The following ENPEP variants were observed in gnomAD, a reference collection of about 807,000 sequenced individuals.
ENPEP encodes AP-A.
A neutral mutation model predicts 114.5 loss-of-function variants in ENPEP; 103 were observed. The observed-to-expected ratio is 0.90, with a 90% confidence interval of 0.77 to 1.06. The LOEUF (loss-of-function observed/expected upper bound fraction) is 1.06. Among genes scored for constraint, ENPEP ranks in the 50% least tolerant of loss-of-function variants. ENPEP has a pLI of 0.00. For synonymous variants in ENPEP, 420 were observed against 422.0 expected (o/e 1.00, Z 0.06); for missense variants, 1,196 against 1,161.3 (o/e 1.03, Z -0.43).
chr4:110,488,554 A>G lies in ENPEP; in HGVS notation c.658A>G (p.Thr220Ala). The G allele has an allele frequency of 6.2e-7, 1 of 1,612,228 alleles. No individual in the cohort carries two copies. The highest frequency in any genetic ancestry group is 8.5e-7 in the Non-Finnish European group (1 of 1,179,272). Residue 220 changes from threonine (T) to alanine (A), a missense_variant, in exon 2 of 20, where the codon ACC becomes GCC. Coordinates refer to ENST00000265162, the MANE Select transcript of ENPEP (RefSeq NM_001977.4). ...ENGQVKSIVA[T>A]DHEPTDARKS... ...TTTGTTTCTAAGGAGCATAGTGGCCACCGATCATGAACCAACAGATGCCAG... is the reference window on the plus strand; with the variant it reads ...TTTGTTTCTAAGGAGCATAGTGGCCGCCGATCATGAACCAACAGATGCCAG...
chr4:110,506,793 T>A (rs1725389815), intron 4 of ENPEP, 36 bp downstream of exon 4: 2 of 1,413,156 alleles, frequency 1.4e-6, no homozygotes, highest in Admixed American at 4.4e-5. Context: ...ATTTTTAATA[T>A]TGCCTTTGTT....
chr4:110,542,928 A>G (rs1336019297), intron 12 of ENPEP, 41 bp downstream of exon 12: 1 of 1,610,622 alleles, frequency 6.2e-7, no homozygotes, highest in Admixed American at 1.7e-5. Flanking sequence ...TTTTTGTTCT[A>G]AGAACAGCAT....
chr4:110,537,503 T>A (rs989184313), intron 11 of ENPEP, among the ~76,000 whole-genome samples: 9 of 152,166 alleles, frequency 5.9e-5, no homozygotes, highest in African/African-American at 2.2e-4. Context: ...CACTTCTAAT[T>A]CTAGCTCTCT....
chr4:110,538,870 A>AAG (rs897484349), intron 11 of ENPEP, among the ~76,000 whole-genome samples: 11 of 150,348 alleles, frequency 7.3e-5, no homozygotes, highest in Middle Eastern at 3.5e-3. Flanking sequence ...AGGAGAGAGA[A>AAG]AGAGAGAGAG....
At chr4:110,505,469 T>A (rs1402498597) in intron 3 of ENPEP, among the ~76,000 whole-genome samples, 1 of 152,218 alleles carries the variant, frequency 6.6e-6, no homozygotes, top group African/African-American at 2.4e-5. Flanking sequence ...ATTTAAGGGA[T>A]GCTCTTTCAG....
intron 3 of ENPEP, among the ~76,000 whole-genome samples, chr4:110,504,397 C>A (rs561345077): frequency 1.3e-5 from 2 of 152,120 alleles, no homozygotes; most frequent in African/African-American, 4.8e-5. Context: ...AAGGGCAGTA[C>A]CATTGCAGCA....
chr4:110,490,147 C>T (rs1404778242), intron 2 of ENPEP, among the ~76,000 whole-genome samples: 1 of 152,128 alleles, frequency 6.6e-6, no homozygotes, highest in Non-Finnish European at 1.5e-5. Context: ...CAGAGTTACA[C>T]TTTACCTTCT....
At chr4:110,536,927 T>G (rs1463635134) in intron 11 of ENPEP, among the ~76,000 whole-genome samples, 1 of 152,190 alleles carries the variant, frequency 6.6e-6, no homozygotes, top group Non-Finnish European at 1.5e-5. Flanking sequence ...GTCCATGAGT[T>G]TTTTGGTTTC....
rs557301233 is a variant in ENPEP, at chr4:110,510,057, T to C, written c.1195-188T>C. 2.5e-3 allele frequency among the ~76,000 whole-genome samples: 377 copies of C among 152,254 alleles called. 5 individuals carry two copies. The highest frequency in any genetic ancestry group is 4.2e-3 in the Non-Finnish European group (288 of 68,012). On this transcript the variant is annotated intron_variant, in intron 5 of 19. Coordinates refer to ENST00000265162, the MANE Select transcript of ENPEP (RefSeq NM_001977.4). ...CCCAGTAATAACTAAATAAAGGCAA[T>C]AAACTAAAGACAATTTAATATCATT...
chr4:110,517,937 A>T (rs1379703438), intron 8 of ENPEP, among the ~76,000 whole-genome samples: 2 of 152,204 alleles, frequency 1.3e-5, no homozygotes, highest in Non-Finnish European at 2.9e-5. Flanking sequence ...ATCCTCCTTG[A>T]GTTGTCATCA....
chr4:110,478,057 G>T (rs1724180481), intron 1 of ENPEP, among the ~76,000 whole-genome samples: 1 of 152,178 alleles, frequency 6.6e-6, no homozygotes, highest in African/African-American at 2.4e-5. Flanking sequence ...AGAGGTAAAT[G>T]ATTAAGAAAG....
intron 1 of ENPEP, 110 bp from the exon 2 acceptor site, chr4:110,488,431 T>G (rs975789214): frequency 7.7e-7 from 1 of 1,306,566 alleles, no homozygotes; most frequent in Non-Finnish European, 9.9e-7. Flanking sequence ...TTTTTAGAAA[T>G]GTAATAGTTA....
chr4:110,512,680 G>A (rs1725622972), intron 6 of ENPEP: 1 of 152,134 alleles, frequency 6.6e-6, no homozygotes. Context: ...AATGGGTTAG[G>A]TTCTCATTCT....
chr4:110,552,144 C>T (rs962296455), intron 17 of ENPEP, among the ~76,000 whole-genome samples: 8 of 152,108 alleles, frequency 5.3e-5, no homozygotes, highest in African/African-American at 1.7e-4. Context: ...ACCCACAAGT[C>T]GAAGGAACCA....
chr4:110,500,499 G>C (rs185181324), intron 3 of ENPEP, among the ~76,000 whole-genome samples: 2 of 152,208 alleles, frequency 1.3e-5, no homozygotes, highest in African/African-American at 4.8e-5. Context: ...GTAAATATAT[G>C]CATGAAAGTT....
intron 16 of ENPEP, 24 bp downstream of exon 16, chr4:110,549,656 T>G: frequency 6.2e-7 from 1 of 1,613,204 alleles, no homozygotes; most frequent in Non-Finnish European, 8.5e-7. Flanking sequence ...TTGTTATGCT[T>G]AGAAGACACA....
chr4:110,508,944 T>G (rs1217064216), intron 4 of ENPEP, among the ~76,000 whole-genome samples: 1 of 152,270 alleles, frequency 6.6e-6, no homozygotes, highest in African/African-American at 2.4e-5. Context: ...TACATTCTGT[T>G]TACAGTTCAT....
intron 11 of ENPEP, among the ~76,000 whole-genome samples, chr4:110,540,569 C>T (rs1185248027): frequency 6.6e-6 from 1 of 152,106 alleles, no homozygotes; most frequent in African/African-American, 2.4e-5. Flanking sequence ...GTAGCATGAA[C>T]TTGGAAAGTC....
chr4:110,489,868 A>G (rs544888852), intron 2 of ENPEP, among the ~76,000 whole-genome samples: 8 of 152,236 alleles, frequency 5.3e-5, no homozygotes, highest in Non-Finnish European at 1.2e-4. Flanking sequence ...ATTAAAATTC[A>G]TCTTTTTAAA....
Sources: gnomAD v4.1 joint callset for allele counts (sites outside exome capture counted in the v4.1 genomes callset) on GRCh38, gnomAD v4.1.1 for gene constraint, MANE v1.5 for transcripts, NCBI Gene and HGNC (gene_info 2026-07-23, HGNC 2026-07-21) for gene names.